DMD: variants seen among roughly 807,000 people sequenced by gnomAD.
The protein encoded by DMD is mutant dystrophin.
In DMD, 63 loss-of-function variants were observed where a neutral mutation model predicts 330.1. That is an observed-to-expected ratio of 0.19 (90% CI 0.16 to 0.24). The LOEUF (loss-of-function observed/expected upper bound fraction) is 0.24, where lower values mean the gene tolerates loss of function less well. Among genes scored for constraint, DMD ranks in the 10% least tolerant of loss-of-function variants. DMD has a pLI of 1.00. For synonymous variants in DMD, 1,223 were observed against 959.8 expected (o/e 1.27, Z -5.07); for missense variants, 3,344 against 2,684.1 (o/e 1.25, Z -5.43).
rs182555523 is a variant in DMD, at chrX:32,867,181, A to G, written c.94-17361T>C. ...CAATTGGAGAAGTTAAAAAAAAAAAAAAGTTGACTTTATTTTTCTCCCATT... is the reference window on the plus strand; with the variant it reads ...CAATTGGAGAAGTTAAAAAAAAAAAGAAGTTGACTTTATTTTTCTCCCATT... On this transcript the variant is annotated intron_variant, in intron 2 of 78. Coordinates refer to ENST00000357033, the MANE Select transcript of DMD (RefSeq NM_004006.3). 4.5e-3 allele frequency among the ~76,000 whole-genome samples: 504 copies of G among 111,462 alleles called. 1 individual carries two copies. Among genetic ancestry groups the G allele is most frequent in the African/African-American group, 0.015 (454 of 30,631 alleles).
intron 59 of DMD, among the ~76,000 whole-genome samples, chrX:31,460,967 C>T (rs66461232): frequency 0.22 from 24,334 of 110,424 alleles, 2,649 homozygotes; most frequent in African/African-American, 0.42. Flanking sequence ...AAAATTGTAC[C>T]AGTGTCATTA....
intron 55 of DMD, among the ~76,000 whole-genome samples, chrX:31,519,142 C>G (rs1175350530): frequency 1.8e-5 from 2 of 112,052 alleles, no homozygotes; most frequent in Non-Finnish European, 3.8e-5. Flanking sequence ...ACAATACACT[C>G]CTATTCTTCA....
chrX:32,558,939 T>TA (rs1491208683), intron 16 of DMD, among the ~76,000 whole-genome samples: 4 of 10,708 alleles, frequency 3.7e-4, no homozygotes, highest in African/African-American at 1.7e-3. Context: ...TCAAATTTTC[T>TA]TTTTTTTTTT....
At chrX:31,498,575 T>G (rs959332288) in intron 56 of DMD, among the ~76,000 whole-genome samples, 1 of 111,999 alleles carries the variant, frequency 8.9e-6, no homozygotes, top group African/African-American at 3.2e-5. Context: ...TCTAAAACAT[T>G]TGTGTATGTG....
intron 7 of DMD, among the ~76,000 whole-genome samples, chrX:32,782,279 A>G (rs1173188023): frequency 8.9e-6 from 1 of 111,889 alleles, no homozygotes; most frequent in Non-Finnish European, 1.9e-5. Context: ...ATAGTATGTG[A>G]TAACATAAGC....
At chrX:32,644,617 AG>A (rs909816722) in intron 10 of DMD, among the ~76,000 whole-genome samples, 1 of 110,319 alleles carries the variant, frequency 9.1e-6, no homozygotes, top group Non-Finnish European at 1.9e-5. Flanking sequence ...AGGACAGGGA[AG>A]GGAAAGAAGC....
At chrX:31,776,726 T>C (rs889583614) in intron 50 of DMD, among the ~76,000 whole-genome samples, 15 of 110,424 alleles carry the variant, frequency 1.4e-4, no homozygotes, top group African/African-American at 5.0e-4. Flanking sequence ...GGAAGGAATC[T>C]ATTGGAAGTC....
chrX:33,204,605 A>G (rs897748594), intron 1 of DMD, among the ~76,000 whole-genome samples: 30 of 111,315 alleles, frequency 2.7e-4, no homozygotes, highest in African/African-American at 9.1e-4. Flanking sequence ...GTGTGTGTGT[A>G]TTTAATATGC....
chrX:31,601,873 C>A (rs777931538), intron 55 of DMD, among the ~76,000 whole-genome samples: 15 of 110,534 alleles, frequency 1.4e-4, no homozygotes, highest in Non-Finnish European at 2.5e-4. Flanking sequence ...GCTGGCAGTA[C>A]CTTATAAAAA....
chrX:33,094,671 C>G (rs5972748), intron 1 of DMD, among the ~76,000 whole-genome samples: 51,951 of 108,306 alleles, frequency 0.48, 9,473 homozygotes, highest in East Asian at 0.87. Context: ...AGCTGGGCAT[C>G]GTGGCAGTCA....
intron 7 of DMD, among the ~76,000 whole-genome samples, chrX:32,735,669 G>C: frequency 9.0e-6 from 1 of 111,726 alleles, no homozygotes; most frequent in Non-Finnish European, 1.9e-5. Flanking sequence ...ATGGGGAAAG[G>C]ATTCCCTATT....
chrX:32,486,375 C>A (rs1241377863), intron 20 of DMD, among the ~76,000 whole-genome samples: 1 of 111,957 alleles, frequency 8.9e-6, no homozygotes, highest in African/African-American at 3.2e-5. Context: ...AATTCAATTA[C>A]CGTTTCTTTT....
intron 16 of DMD, among the ~76,000 whole-genome samples, chrX:32,558,189 AAGAAG>A (rs1445868113): frequency 7.3e-4 from 81 of 111,522 alleles, no homozygotes; most frequent in African/African-American, 2.4e-3. Flanking sequence ...TTGTATCAGA[AAGAAG>A]AGATGTATGT....
rs987897794 is a variant in DMD at position 33,173,865 on chromosome X, G to T, written c.31+37417C>A. Among the ~76,000 whole-genome samples the T allele has an allele frequency of 8.2e-5, 9 of 109,575 alleles. No homozygotes were observed. The East Asian group carries it at 2.6e-3, about 31-fold the overall frequency. ...ACCAAATCACCCTTAATAACTAAAC[G>T]ATAAAGTGATAAAATTCAAGACACT... is the stretch of plus-strand genomic sequence containing the variant. On this transcript the variant is annotated intron_variant, in intron 1 of 78. Transcript: ENST00000357033.
At chrX:33,258,473 C>T (rs1005793655) in intron 1 of DMD, among the ~76,000 whole-genome samples, 6 of 111,422 alleles carry the variant, frequency 5.4e-5, no homozygotes, top group African/African-American at 1.9e-4. Flanking sequence ...AGACAAACAA[C>T]GTACTAAACA....
chrX:33,153,713 C>A (rs2048378420), intron 1 of DMD, among the ~76,000 whole-genome samples: 1 of 112,404 alleles, frequency 8.9e-6, no homozygotes, highest in Admixed American at 9.4e-5. Flanking sequence ...ATACTCACTT[C>A]TTTACCTTTG....
At chrX:32,954,796 G>T (rs1431301540) in intron 2 of DMD, among the ~76,000 whole-genome samples, 1 of 111,096 alleles carries the variant, frequency 9.0e-6, no homozygotes, top group African/African-American at 3.3e-5. Context: ...CACAGTATTT[G>T]ATTTTCTGTT....
intron 7 of DMD, among the ~76,000 whole-genome samples, chrX:32,726,225 T>A (rs1292290154): frequency 2.7e-5 from 3 of 111,415 alleles, no homozygotes; most frequent in African/African-American, 9.8e-5. Context: ...TCTCTTTTGA[T>A]CATATTATTA....
At position 31,303,252 on chromosome X, in the gene DMD, C is replaced by G. The variant is rs73617076; in HGVS notation, c.9224+20346G>C. On this transcript the variant is annotated intron_variant, in intron 62 of 78. Transcript: ENST00000357033. ...TCATTCACACTCATGGTTTCAGTTA[C>G]TAGCTATATACAAGTAATATGTAAA... 3.6e-3 allele frequency among the ~76,000 whole-genome samples: 400 copies of G among 111,760 alleles called. 1 individual carries two copies. The highest frequency in any genetic ancestry group is 0.012 in the African/African-American group (373 of 30,792).
Sources: gnomAD v4.1 joint callset for allele counts (sites outside exome capture counted in the v4.1 genomes callset) on GRCh38, gnomAD v4.1.1 for gene constraint, MANE v1.5 for transcripts, NCBI Gene and HGNC (gene_info 2026-07-23, HGNC 2026-07-21) for gene names.